The following CROCC variants were observed in gnomAD, a reference collection of about 807,000 sequenced individuals.
The protein encoded by CROCC is rootletin.
Under a neutral mutation model 245.2 loss-of-function variants are expected in CROCC, and 180 were observed. The observed-to-expected ratio is 0.73, with a 90% CI of 0.65 to 0.83. The LOEUF (loss-of-function observed/expected upper bound fraction) is 0.83, where lower values mean the gene tolerates loss of function less well. CROCC is among the 40% of genes least tolerant of loss of function. The pLI, the probability that CROCC is intolerant of heterozygous loss-of-function variation, is 0.00. For synonymous variants in CROCC, 1,205 were observed against 1,241.6 expected (o/e 0.97, Z 0.62); for missense variants, 2,688 against 2,779.4 (o/e 0.97, Z 0.74).
At chr1:16,968,091 T>C in intron 30 of CROCC, 112 bp from the exon 31 acceptor site, 1 of 1,083,056 alleles carries the variant, frequency 9.2e-7, no homozygotes, top group South Asian at 1.4e-5. Context: ...CCAGGTCACG[T>C]AGGTCACCCT....
chr1:16,925,401 G>A (rs1251543201), intron 3 of CROCC, among the ~76,000 whole-genome samples: 1 of 152,396 alleles, frequency 6.6e-6, no homozygotes, highest in East Asian at 1.9e-4. Context: ...CATGCTGGGG[G>A]CACACAGCCA....
Position 16,971,415 on chromosome 1 carries a change from C to T in CROCC, c.5785-50C>T, listed in dbSNP as rs767248284. 2.0e-6 allele frequency: 3 copies of T among 1,487,366 alleles called. 1 individual carries two copies. The highest frequency in any genetic ancestry group is 2.6e-5 in the South Asian group (2 of 77,848). 92.1% of individuals were successfully genotyped at this position (1,487,366 alleles called of 1,614,324 possible). A position where few individuals can be genotyped will look rare whatever the true frequency, so the allele number is the denominator to read the frequency against. On this transcript the variant is annotated intron_variant, in intron 35 of 36. Coordinates refer to ENST00000375541, the MANE Select transcript of CROCC (RefSeq NM_014675.5). ...TACCTGACAACCCGTCACACATGCA[C>T]ACACACACTCACACTGGGCCAGAAC...
intron 13 of CROCC, among the ~76,000 whole-genome samples, chr1:16,943,287 C>T (rs1158164621): frequency 1.5e-4 from 23 of 152,116 alleles, no homozygotes; most frequent in African/African-American, 5.6e-4. Flanking sequence ...CCTGTAATCC[C>T]AGCACTTTGG....
chr1:16,924,675 G>A (rs1446333912), intron 3 of CROCC, among the ~76,000 whole-genome samples, 196 bp downstream of exon 3: 3 of 152,290 alleles, frequency 2.0e-5, no homozygotes, highest in Admixed American at 6.5e-5. Flanking sequence ...CTGTAGTGGG[G>A]ATTGTAATGG....
intron 3 of CROCC, 41 bp from the exon 4 acceptor site, chr1:16,929,805 C>G: frequency 6.7e-7 from 1 of 1,485,052 alleles, no homozygotes; most frequent in South Asian, 1.3e-5. Flanking sequence ...GCCTGCCTTC[C>G]CAGGAGGCCC....
chr1:16,960,673 A>G (rs528637773), intron 26 of CROCC, 85 bp from the exon 27 acceptor site: 1 of 1,370,114 alleles, frequency 7.3e-7, no homozygotes, highest in East Asian at 3.0e-5. Context: ...ACAGTCAGGG[A>G]TGGTGGGCTC....
Position 16,954,615 on chromosome 1 carries a change from C to A in CROCC, c.3322-119C>A. ...ATCCAGGGGTTGGCAGAGGGTCCGG[C>A]AGGCCAGCGGGAGGGGCCGTGTTTA... On this transcript the variant is annotated intron_variant, in intron 22 of 36. Coordinates refer to ENST00000375541, the MANE Select transcript of CROCC (RefSeq NM_014675.5). This position sits in a 1 kb window ranked among gnomAD's most constrained non-coding sequence, Gnocchi z 4.4. 1 of 1,365,982 alleles carries A rather than the reference C, an allele frequency of 7.3e-7. No individual in the cohort carries two copies. The highest frequency in any genetic ancestry group is 9.8e-7 in the Non-Finnish European group (1 of 1,020,168). The allele number at this position is 1,365,982 out of a possible 1,614,324, so 84.6% of individuals were successfully genotyped here. A position where few individuals can be genotyped will look rare whatever the true frequency, so the allele number is the denominator to read the frequency against.
Position 16,955,366 on chromosome 1 carries a change from C to T in CROCC, c.3520C>T (p.Arg1174Trp), listed in dbSNP as rs1369378524. Residue 1174 changes from arginine to tryptophan, a missense_variant, in exon 24 of 37, where the codon CGG becomes TGG. Physicochemically the swap from Arg to Trp is moderately radical, Grantham distance 101. Around this residue, in one of 9 missense-constraint regions of CROCC, gnomAD observed 1,218 missense variants for 1,286.3 expected, o/e 0.95. Transcript: ENST00000375541. ...GCTGGAGGATGCCCGTGACGGGCTG[C>T]GGCGGGAGCTGCTGGAGGCCCAGCG... Reference protein sequence around the residue: ...RLLEDARDGLRRELLEAQRKL... With the variant: ...RLLEDARDGLWRELLEAQRKL... 1.4e-5 allele frequency: 23 copies of T among 1,607,096 alleles called. No homozygotes were observed. Among genetic ancestry groups the T allele is most frequent in the Admixed American group, 6.7e-5 (4 of 59,934 alleles).
At chr1:16,918,725 G>A (rs1253513542), upstream of CROCC, among the ~76,000 whole-genome samples, 6 of 147,766 alleles carry the variant, frequency 4.1e-5, no homozygotes, top group African/African-American at 1.0e-4. Flanking sequence ...TCTGCTGGCC[G>A]GTTTAGTTTT....
chr1:16,931,418 G>T, intron 8 of CROCC, 21 bp downstream of exon 8: 1 of 1,597,658 alleles, frequency 6.3e-7, no homozygotes, highest in South Asian at 1.1e-5. Flanking sequence ...GCCGGGGACG[G>T]GGCAGCAGCT....
In CROCC at chr1:16,954,787, G is replaced by A. The variant is rs2076221737; in HGVS notation, c.3375G>A (p.Glu1125=). The A allele has an allele frequency of 3.2e-6, 5 of 1,553,934 alleles. No individual in the cohort carries two copies. Among genetic ancestry groups the A allele is most frequent in the Non-Finnish European group, 4.4e-6 (5 of 1,149,142 alleles). The change falls in exon 23 of 37, where the codon GAG becomes GAA. Residue 1125 remains glutamate (E), a synonymous_variant. Transcript: ENST00000375541. This position sits in a 1 kb window ranked among gnomAD's most constrained non-coding sequence, Gnocchi z 4.4. ...SELRDLRAQR[E]EAAAAHAQEV... is the part of the protein sequence containing the mutation. Reference sequence around the variant, plus strand: ...TGCGGGACCTACGGGCCCAGCGGGAGGAGGCTGCTGCGGCCCACGCCCAGG... The same window carrying A: ...TGCGGGACCTACGGGCCCAGCGGGAAGAGGCTGCTGCGGCCCACGCCCAGG...
At chr1:16,929,291 T>C (rs2075608873) in intron 3 of CROCC, among the ~76,000 whole-genome samples, 1 of 152,290 alleles carries the variant, frequency 6.6e-6, no homozygotes, top group Admixed American at 6.5e-5. Flanking sequence ...CAGATATGCA[T>C]AGACAGATTG....
chr1:16,949,643 A>G (rs1281025903), intron 19 of CROCC, among the ~76,000 whole-genome samples: 2 of 152,330 alleles, frequency 1.3e-5, no homozygotes, highest in Admixed American at 6.5e-5. Context: ...CCTCCATTTC[A>G]TCATCTGTTA....
Position 16,938,451 on chromosome 1 carries a change from G to C in CROCC, c.1342G>C (p.Gly448Arg). The change falls in exon 11 of 37, where the codon GGG becomes CGG. Residue 448 changes from glycine to arginine, a missense_variant. Coordinates refer to ENST00000375541, the MANE Select transcript of CROCC (RefSeq NM_014675.5). The part of the protein sequence containing the change: ...QAALETEDGE[G>R]LQQTLRDLAQ... ...GGCCCTGGAGACAGAGGATGGAGAG[G>C]GGCTACAGCAGACCCTAAGGGACCT... The C allele has an allele frequency of 6.3e-7, 1 of 1,580,780 alleles. No individual in the cohort carries two copies. The highest frequency in any genetic ancestry group is 8.6e-7 in the Non-Finnish European group (1 of 1,164,242).
rs765946097 is a variant in CROCC at position 16,958,570 on chromosome 1, C to T, written c.3865-13C>T. On this transcript the variant is annotated splice_polypyrimidine_tract_variant and intron_variant, in intron 25 of 36. Coordinates refer to ENST00000375541, the MANE Select transcript of CROCC (RefSeq NM_014675.5). ...GCAGAGCTGAACCTGCTGCCATTCC[C>T]GTGCTCTCACAGATGAAGATGCTGG... is the stretch of plus-strand genomic sequence containing the variant. 1.2e-5 allele frequency: 18 copies of T among 1,549,648 alleles called. No homozygotes were observed. Among genetic ancestry groups the T allele is most frequent in the African/African-American group, 1.1e-4 (8 of 73,052 alleles).
intron 8 of CROCC, among the ~76,000 whole-genome samples, chr1:16,934,368 C>A (rs2075743946): frequency 1.3e-5 from 2 of 152,120 alleles, no homozygotes; most frequent in Non-Finnish European, 2.9e-5. Flanking sequence ...GGCACAATCA[C>A]AACTCACATT....
chr1:16,946,774 A>C lies in CROCC; in HGVS notation c.2297A>C (p.Lys766Thr). 1 of 1,551,544 alleles carries C rather than the reference A, an allele frequency of 6.4e-7. No individual in the cohort carries two copies. The highest frequency in any genetic ancestry group is 8.7e-7 in the Non-Finnish European group (1 of 1,147,068). ...CCTGGCCTCCAGCTGGAGGAAGAAAAGTCCGCCCTGCAGGGCCGGCAACGG... is the reference window on the plus strand; with the variant it reads ...CCTGGCCTCCAGCTGGAGGAAGAAACGTCCGCCCTGCAGGGCCGGCAACGG... ...NRLVAQLEEE[K>T]SALQGRQRQA... Residue 766 changes from lysine to threonine, a missense_variant, in exon 17 of 37, where the codon AAG becomes ACG. Around this residue, in one of 9 missense-constraint regions of CROCC, gnomAD observed 295 missense variants for 241.7 expected, o/e 1.22. Coordinates refer to ENST00000375541, the MANE Select transcript of CROCC (RefSeq NM_014675.5).
rs1442841518 is a variant in CROCC at position 16,966,187 on chromosome 1, G to A, written c.4696+68G>A. On this transcript the variant is annotated intron_variant, in intron 29 of 36. Transcript: ENST00000375541. The surrounding 1 kb of genome is among the most constrained non-coding windows in gnomAD (Gnocchi z 4.8). ...TGGGCAGTTGAGGCAGGAGCCGGGGGATTGGCCTCTGACCTTGCCGTGGCC... is the reference window on the plus strand; with the variant it reads ...TGGGCAGTTGAGGCAGGAGCCGGGGAATTGGCCTCTGACCTTGCCGTGGCC... The A allele has an allele frequency of 6.4e-7, 1 of 1,554,650 alleles. No individual in the cohort carries two copies. Among genetic ancestry groups the A allele is most frequent in the Non-Finnish European group, 8.7e-7 (1 of 1,145,830 alleles).
intron 36 of CROCC, 26 bp from the exon 37 acceptor site, chr1:16,972,334 G>T (rs2076535483): frequency 6.2e-7 from 1 of 1,602,430 alleles, no homozygotes; most frequent in Non-Finnish European, 8.5e-7. Flanking sequence ...GGACCTGGCT[G>T]GCCTTACCTT....
Sources: allele counts gnomAD v4.1 joint callset (sites outside exome capture counted in the v4.1 genomes callset), GRCh38; gene constraint gnomAD v4.1.1; regional missense constraint gnomAD v4.1.1; non-coding constraint Gnocchi (gnomAD v3.1); transcripts MANE v1.5; gene names NCBI Gene and HGNC (gene_info 2026-07-23, HGNC 2026-07-21).